Variants in MYO1E observed in about 807,000 individuals in gnomAD.
MYO1E encodes the protein unconventional myosin-Ie.
MYO1E carries 68 observed loss-of-function variants against 151.1 expected under a neutral mutation model. The ratio of observed to expected loss-of-function variants is 0.45; its 90% confidence interval spans 0.37 to 0.55. The LOEUF (loss-of-function observed/expected upper bound fraction) is 0.55. Ranked by LOEUF, MYO1E falls within the 20% of genes least tolerant of loss-of-function variation. MYO1E has a pLI of 0.00. For missense variants in MYO1E, 1,363 were observed against 1,389.3 expected (o/e 0.98, Z 0.30); for synonymous variants, 601 against 501.7 (o/e 1.20, Z -2.64).
intron 16 of MYO1E, among the ~76,000 whole-genome samples, chr15:59,200,371 C>G (rs1296800622): frequency 6.6e-6 from 1 of 152,192 alleles, no homozygotes; most frequent in Admixed American, 6.5e-5. Flanking sequence ...ATGAGAATTT[C>G]ATTTGTTTTC....
At chr15:59,205,558 C>CA in intron 14 of MYO1E, 73 bp from the exon 15 acceptor site, 5 of 1,316,704 alleles carry the variant, frequency 3.8e-6, no homozygotes, top group Non-Finnish European at 4.3e-6. Context: ...ATTTATTGAA[C>CA]AAAAAATCTA....
chr15:59,369,200 G>C (rs1156302997), intron 1 of MYO1E, among the ~76,000 whole-genome samples: 1 of 152,144 alleles, frequency 6.6e-6, no homozygotes, highest in Non-Finnish European at 1.5e-5. Flanking sequence ...CTTATCATCA[G>C]CTATCCATCA....
intron 18 of MYO1E, among the ~76,000 whole-genome samples, chr15:59,185,563 G>A (rs547414389): frequency 9.0e-4 from 137 of 152,232 alleles, no homozygotes; most frequent in African/African-American, 2.8e-3. Context: ...CACCGTGCCC[G>A]GCCCCTCTTA....
intron 16 of MYO1E, 114 bp from the exon 17 acceptor site, chr15:59,195,681 T>C (rs1262002782): frequency 1.8e-5 from 19 of 1,054,286 alleles, no homozygotes; most frequent in Non-Finnish European, 2.3e-5. Flanking sequence ...TTAATCTTCA[T>C]GACAATTTGC....
intron 1 of MYO1E, among the ~76,000 whole-genome samples, chr15:59,294,217 G>A (rs1318373487): frequency 1.3e-5 from 2 of 152,180 alleles, no homozygotes; most frequent in African/African-American, 4.8e-5. Flanking sequence ...AACTGTAACA[G>A]TCTGAGATGG....
Position 59,279,058 on chromosome 15 carries a change from T to C in MYO1E, c.4-6609A>G, listed in dbSNP as rs8043346. ...ATTCATAAAGTTTCATCCATTTAAA[T>C]ATATGTGACCATACCACAGATTCAT... On this transcript the variant is annotated intron_variant, in intron 1 of 27. Coordinates refer to ENST00000288235, the MANE Select transcript of MYO1E (RefSeq NM_004998.4). 5.9e-3 allele frequency among the ~76,000 whole-genome samples: 897 copies of C among 152,278 alleles called. 8 individuals carry two copies. Among genetic ancestry groups the C allele is most frequent in the African/African-American group, 0.021 (872 of 41,538 alleles).
chr15:59,200,473 G>A (rs748772763), intron 16 of MYO1E, among the ~76,000 whole-genome samples: 21 of 151,732 alleles, frequency 1.4e-4, no homozygotes, highest in Admixed American at 2.0e-4. Flanking sequence ...TGTTCTTGAC[G>A]CTCAGAGGGC....
chr15:59,300,326 A>G (rs866726581), intron 1 of MYO1E, among the ~76,000 whole-genome samples: 1 of 151,928 alleles, frequency 6.6e-6, no homozygotes, highest in Non-Finnish European at 1.5e-5. Flanking sequence ...ACACACACAC[A>G]CACGCACGGT....
intron 4 of MYO1E, among the ~76,000 whole-genome samples, chr15:59,253,582 A>C (rs1319787038): frequency 6.6e-6 from 1 of 151,244 alleles, no homozygotes; most frequent in Non-Finnish European, 1.5e-5. Flanking sequence ...CCTGGGTTCA[A>C]GCGATTTCCC....
intron 1 of MYO1E, among the ~76,000 whole-genome samples, chr15:59,360,596 T>C (rs770566316): frequency 1.3e-5 from 2 of 152,228 alleles, no homozygotes; most frequent in South Asian, 2.1e-4. Flanking sequence ...CTTTAGCAGA[T>C]AGAAAATGAT....
At chr15:59,249,423 CAAA>C (rs5812966) in intron 4 of MYO1E, among the ~76,000 whole-genome samples, 1 of 132,978 alleles carries the variant, frequency 7.5e-6, no homozygotes, top group African/African-American at 2.8e-5. Context: ...GACTCTGTCT[CAAA>C]AAAAAAAAAA....
intron 1 of MYO1E, among the ~76,000 whole-genome samples, chr15:59,273,619 C>T (rs186549021): frequency 1.7e-4 from 14 of 84,416 alleles, no homozygotes; most frequent in African/African-American, 1.0e-3. Flanking sequence ...TAGAATTTGC[C>T]GGAGGAGACC....
At chr15:59,157,872 T>G (rs1393029331) in intron 25 of MYO1E, among the ~76,000 whole-genome samples, 1 of 152,198 alleles carries the variant, frequency 6.6e-6, no homozygotes, top group Non-Finnish European at 1.5e-5. Flanking sequence ...CCCCCGAGGA[T>G]AAGGGGGTGC....
Position 59,222,823 on chromosome 15 carries a change from G to A in MYO1E, c.910+236C>T, listed in dbSNP as rs535044356. Among the ~76,000 whole-genome samples the A allele has an allele frequency of 6.6e-5, 10 of 152,272 alleles. No individual in the cohort carries two copies. The East Asian group carries it at 1.5e-3, about 23-fold the overall frequency. On this transcript the variant is annotated intron_variant, in intron 9 of 27. Transcript: ENST00000288235. The stretch of plus-strand genomic sequence containing the variant: ...CCCCAGGTTAATGATAAATTGAAAC[G>A]ATTCCATTAATAATCGATGGTGTGG...
chr15:59,217,125 C>T (rs1433228939), intron 10 of MYO1E, among the ~76,000 whole-genome samples: 5 of 152,176 alleles, frequency 3.3e-5, no homozygotes, highest in South Asian at 2.1e-4. Context: ...ACTGCAACCT[C>T]GTCTTTGAGT....
intron 1 of MYO1E, among the ~76,000 whole-genome samples, chr15:59,283,998 T>C (rs570379544): frequency 1.2e-4 from 19 of 152,340 alleles, no homozygotes; most frequent in African/African-American, 4.6e-4. Context: ...ACAGAATACC[T>C]GGTACAAAGC....
At chr15:59,184,474 C>T (rs1474648858) in intron 18 of MYO1E, among the ~76,000 whole-genome samples, 2 of 152,106 alleles carry the variant, frequency 1.3e-5, no homozygotes. Flanking sequence ...AATTTTCCCG[C>T]CTCAGCCTCC....
At chr15:59,197,033 C>A (rs1478876683) in intron 16 of MYO1E, among the ~76,000 whole-genome samples, 2 of 108,162 alleles carry the variant, frequency 1.8e-5, no homozygotes, top group Non-Finnish European at 3.4e-5. Context: ...CACTCTGAGG[C>A]CCAGGCTGGA....
At chr15:59,342,614 A>G (rs2080772253) in intron 1 of MYO1E, among the ~76,000 whole-genome samples, 1 of 152,092 alleles carries the variant, frequency 6.6e-6, no homozygotes, top group Non-Finnish European at 1.5e-5. Flanking sequence ...TTTACATTCA[A>G]TGTTATTACT....
Sources: allele counts gnomAD v4.1 joint callset (sites outside exome capture counted in the v4.1 genomes callset), GRCh38; gene constraint gnomAD v4.1.1; transcripts MANE v1.5; gene names NCBI Gene and HGNC (gene_info 2026-07-23, HGNC 2026-07-21).